The following MCM3 variants were observed in gnomAD, a reference collection of about 807,000 sequenced individuals.
MCM3 encodes minichromosome maintenance complex component 3, also known as DNA replication licensing factor MCM3.
In MCM3, 59 loss-of-function variants were observed where a neutral mutation model predicts 91.3. The observed-to-expected ratio is 0.65, with a 90% confidence interval of 0.52 to 0.80. The LOEUF (loss-of-function observed/expected upper bound fraction) is 0.80, where lower values mean the gene tolerates loss of function less well. Among genes scored for constraint, MCM3 ranks in the 30% least tolerant of loss-of-function variants. The probability of loss-of-function intolerance (pLI) is 0.00; values close to 1 mark genes in which losing one functional copy is unlikely to be tolerated. For missense variants in MCM3, 919 were observed against 1,035.4 expected (o/e 0.89, Z 1.54); for synonymous variants, 383 against 379.6 (o/e 1.01, Z -0.10).
chr6:52,277,665 C>A lies in MCM3; in HGVS notation c.903G>T (p.Lys301Asn). 2 of 1,613,978 alleles carry A rather than the reference C, an allele frequency of 1.2e-6. No individual in the cohort carries two copies. The highest frequency in any genetic ancestry group is 1.7e-5 in the Admixed American group (1 of 59,976). The change falls in exon 7 of 17, where the codon AAG becomes AAT. Residue 301 changes from lysine to asparagine, a missense_variant. Lys to Asn is a moderately conservative substitution (Grantham distance 94, BLOSUM62 0). This residue lies in a region of MCM3 where 401 missense variants were observed against 402.7 expected (regional missense o/e 1.00). Coordinates refer to ENST00000596288, the MANE Select transcript of MCM3 (RefSeq NM_002388.6). ...GCCCATGGATACTTGGGGCCAATGA[C>A]TTGGCCAGCTGGTCAAAGATATCCT... is the stretch of plus-strand genomic sequence containing the variant. ...RSKDIFDQLA[K>N]SLAPSIHGHD...
At position 52,273,780 on chromosome 6, in the gene MCM3, A is replaced by G. The variant is rs1405571338; in HGVS notation, c.1511T>C (p.Met504Thr). 3 of 1,613,800 alleles carry G rather than the reference A, an allele frequency of 1.9e-6. No homozygotes were observed. Among genetic ancestry groups the G allele is most frequent in the Non-Finnish European group, 2.5e-6 (3 of 1,179,960 alleles). ...CTCCCCAGGTGCTCTGTAACGGTGCATCCGAAGGACATGGTCTGAGATCTC... is the reference window on the plus strand; with the variant it reads ...CTCCCCAGGTGCTCTGTAACGGTGCGTCCGAAGGACATGGTCTGAGATCTC... ...DREISDHVLR[M>T]HRYRAPGEQD... The change falls in exon 10 of 17, where the codon ATG becomes ACG. Residue 504 changes from methionine to threonine, a missense_variant. Met to Thr is a moderately conservative substitution (Grantham distance 81, BLOSUM62 -1). Around this residue, in one of 3 missense-constraint regions of MCM3, gnomAD observed 233 missense variants for 321.2 expected, o/e 0.73. Coordinates refer to ENST00000596288, the MANE Select transcript of MCM3 (RefSeq NM_002388.6).
intron 6 of MCM3, 110 bp from the exon 7 acceptor site, chr6:52,277,798 G>C: frequency 1.1e-6 from 1 of 934,272 alleles, no homozygotes. Flanking sequence ...GCCAGGCGCA[G>C]TGGCTCAGGT....
chr6:52,265,266 A>C (rs1764552804), intron 16 of MCM3: 2 of 435,732 alleles, frequency 4.6e-6, no homozygotes, highest in African/African-American at 4.1e-5. Context: ...AAAAAGAATG[A>C]GATCAAACAA....
Position 52,276,267 on chromosome 6 carries a change from C to A in MCM3, c.1374+1G>T. ...AATGGTTGGGGCCTGATTCCACTTA[C>A]CCTGCCGTAGACAGGGTTGGCAGCT... On this transcript the variant is annotated splice_donor_variant, in intron 9 of 16. Transcript: ENST00000596288. LOFTEE classifies it high-confidence loss of function. 4 of 1,608,284 alleles carry A rather than the reference C, an allele frequency of 2.5e-6. No homozygotes were observed. Among genetic ancestry groups the A allele is most frequent in the Non-Finnish European group, 3.4e-6 (4 of 1,177,510 alleles).
At chr6:52,266,043 C>A (rs756759861) in intron 16 of MCM3, 32 bp downstream of exon 16, 13 of 1,600,418 alleles carry the variant, frequency 8.1e-6, no homozygotes, top group Non-Finnish European at 3.4e-6. Context: ...ACACAGAATT[C>A]TTGAAGGGGC....
chr6:52,272,437 C>T lies in MCM3; in HGVS notation c.1691G>A (p.Ser564Asn). The T allele has an allele frequency of 6.2e-7, 1 of 1,614,164 alleles. No homozygotes were observed. Among genetic ancestry groups the T allele is most frequent in the Non-Finnish European group, 8.5e-7 (1 of 1,180,030 alleles). The change falls in exon 12 of 17, where the codon AGT (serine) becomes AAT (asparagine). Residue 564 changes from serine (S) to asparagine (N), a missense_variant. Transcript: ENST00000596288. Reference sequence around the variant, plus strand: ...GATGTACTTCTTCATGAATGCTGCACTCACCATCTTCTCCCTGGAGCCACA... The same window carrying T: ...GATGTACTTCTTCATGAATGCTGCATTCACCATCTTCTCCCTGGAGCCACA... ...GTKKKKEKMV[S>N]AAFMKKYIHV...
chr6:52,269,217 C>T lies in MCM3; in HGVS notation c.1837G>A (p.Val613Ile), dbSNP rs200468374. ...AGAGTTTCCAGTGTTCGGGCTGTAA[C>T]TGGAGATGTCTAGGGAAGAAAAGGG... Reference protein sequence around the residue: ...MSSDTARTSPVTARTLETLIR... With the variant: ...MSSDTARTSPITARTLETLIR... The change falls in exon 13 of 17, where the codon GTT becomes ATT. Residue 613 changes from valine to isoleucine, a missense_variant. This residue lies in a region of MCM3 where 285 missense variants were observed against 311.4 expected (regional missense o/e 0.92). Transcript: ENST00000596288. 6.2e-7 allele frequency: 1 copy of T among 1,610,148 alleles called. No individual in the cohort carries two copies. The highest frequency in any genetic ancestry group is 8.5e-7 in the Non-Finnish European group (1 of 1,177,000).
chr6:52,264,558 G>C lies in MCM3; in HGVS notation c.*30C>G. On this transcript the variant is annotated 3_prime_UTR_variant, in exon 17 of 17. Transcript: ENST00000596288. ...GGGAAACACAGAACAAACTCTCTCGGCACAACCCAAGTTCAGAGACGAGGC... is the reference window on the plus strand; with the variant it reads ...GGGAAACACAGAACAAACTCTCTCGCCACAACCCAAGTTCAGAGACGAGGC... 6.2e-7 allele frequency: 1 copy of C among 1,611,926 alleles called. No individual in the cohort carries two copies. Among genetic ancestry groups the C allele is most frequent in the Non-Finnish European group, 8.5e-7 (1 of 1,178,198 alleles).
In MCM3 at chr6:52,282,058, A is replaced by G. The variant is rs751145262; in HGVS notation, c.518T>C (p.Val173Ala). The G allele has an allele frequency of 6.2e-7, 1 of 1,614,164 alleles. No individual in the cohort carries two copies. Among genetic ancestry groups the G allele is most frequent in the Non-Finnish European group, 8.5e-7 (1 of 1,180,022 alleles). Reference protein sequence around the residue: ...TTLVAFPSSSVYPTKDEENNP... With the variant: ...TTLVAFPSSSAYPTKDEENNP... ...TATCCCCCTTACCTTGGTAGGATAGACAGAGCTGGAGGGAAAGGCCACCAG... is the reference window on the plus strand; with the variant it reads ...TATCCCCCTTACCTTGGTAGGATAGGCAGAGCTGGAGGGAAAGGCCACCAG... Residue 173 changes from valine (V) to alanine (A), a missense_variant, in exon 4 of 17, where the codon GTC (valine) becomes GCC (alanine). Coordinates refer to ENST00000596288, the MANE Select transcript of MCM3 (RefSeq NM_002388.6).
rs1049136695 is a variant in MCM3 at position 52,264,806 on chromosome 6, G to C, written c.2229-20C>G. On this transcript the variant is annotated intron_variant, in intron 16 of 16. Coordinates refer to ENST00000596288, the MANE Select transcript of MCM3 (RefSeq NM_002388.6). ...TTCAACCTGCCCCAGACAGAAGAAA[G>C]GGGGAAGAGGAGTAAACAAACCCAA... 10 of 1,611,116 alleles carry C rather than the reference G, an allele frequency of 6.2e-6. No homozygotes were observed. Among genetic ancestry groups the C allele is most frequent in the Non-Finnish European group, 8.5e-6 (10 of 1,178,308 alleles).
chr6:52,282,751 C>T lies in MCM3; in HGVS notation c.302G>A (p.Gly101Glu). 6.2e-7 allele frequency: 1 copy of T among 1,614,068 alleles called. No individual in the cohort carries two copies. The highest frequency in any genetic ancestry group is 8.5e-7 in the Non-Finnish European group (1 of 1,180,032). ...CTTGGAGCCAAAGCTGCCTTCCAGT[C>T]CTACGTAGAACTCCTCATACTGCTT... Reference protein sequence around the residue: ...YAKQYEEFYVGLEGSFGSKHV... With the variant: ...YAKQYEEFYVELEGSFGSKHV... Residue 101 changes from glycine (G) to glutamate (E), a missense_variant, in exon 3 of 17, where the codon GGA becomes GAA. Gly to Glu is a moderately conservative substitution (Grantham distance 98). Transcript: ENST00000596288.
At chr6:52,281,898 G>A in intron 4 of MCM3, 147 bp downstream of exon 4, 1 of 640,532 alleles carries the variant, frequency 1.6e-6, no homozygotes, top group East Asian at 3.1e-5. Context: ...ATTAAACTCT[G>A]GCCTGCAATC....
Position 52,278,761 on chromosome 6 carries a change from A to T in MCM3, c.860T>A (p.Phe287Tyr). The T allele has an allele frequency of 6.2e-7, 1 of 1,613,394 alleles. No homozygotes were observed. Among genetic ancestry groups the T allele is most frequent in the Non-Finnish European group, 8.5e-7 (1 of 1,179,588 alleles). Residue 287 changes from phenylalanine to tyrosine, a missense_variant, in exon 6 of 17, where the codon TTC (phenylalanine) becomes TAC (tyrosine). Phe to Tyr is a conservative substitution (Grantham distance 22). This residue lies in a region of MCM3 where 401 missense variants were observed against 402.7 expected (regional missense o/e 1.00). Coordinates refer to ENST00000596288, the MANE Select transcript of MCM3 (RefSeq NM_002388.6). The stretch of plus-strand genomic sequence containing the variant: ...CCAGACCTTGGATCGGGTTTTACTG[A>T]ACTTCTTGATCTTGGCTATATCCTC... The part of the protein sequence containing the change: ...SAEDIAKIKK[F>Y]SKTRSKDIFD...
intron 13 of MCM3, among the ~76,000 whole-genome samples, chr6:52,268,231 G>A (rs1453976887): frequency 6.6e-6 from 1 of 152,198 alleles, no homozygotes; most frequent in Non-Finnish European, 1.5e-5. Context: ...AGAAACAAAT[G>A]TCTAGCCCAT....
intron 2 of MCM3, among the ~76,000 whole-genome samples, 157 bp downstream of exon 2, chr6:52,283,137 T>TG (rs1766282517): frequency 1.2e-5 from 1 of 80,450 alleles, no homozygotes; most frequent in African/African-American, 5.2e-5. Context: ...ACCCACTTTT[T>TG]GAAAAAAAAA....
chr6:52,272,550 C>G (rs1168708623), intron 11 of MCM3, 99 bp from the exon 12 acceptor site: 2 of 1,323,018 alleles, frequency 1.5e-6, no homozygotes, highest in East Asian at 4.7e-5. Flanking sequence ...CAAAACAAAG[C>G]CTAGAACCCA....
intron 6 of MCM3, 26 bp from the exon 7 acceptor site, chr6:52,277,714 G>C (rs760038686): frequency 1.2e-6 from 2 of 1,609,560 alleles, no homozygotes; most frequent in East Asian, 2.2e-5. Context: ...CCAATGGCAA[G>C]CCTAGTGAGA....
At chr6:52,268,979 T>C (rs981733038) in intron 13 of MCM3, 107 bp downstream of exon 13, 26 of 1,234,942 alleles carry the variant, frequency 2.1e-5, no homozygotes, top group Middle Eastern at 2.1e-4. Context: ...AAATACTGCT[T>C]TCTGTTGACA....
chr6:52,282,026 A>G lies in MCM3; in HGVS notation c.531+19T>C, dbSNP rs1562398857. On this transcript the variant is annotated intron_variant, in intron 4 of 16. Transcript: ENST00000596288. ...TGATTCCAACCTCCAAGACAGCTCA[A>G]CTGATTTATCCCCCTTACCTTGGTA... The G allele has an allele frequency of 1.9e-6, 3 of 1,612,648 alleles. No individual in the cohort carries two copies. The highest frequency in any genetic ancestry group is 1.7e-5 in the Admixed American group (1 of 59,698).
Sources: allele counts gnomAD v4.1 joint callset (sites outside exome capture counted in the v4.1 genomes callset), GRCh38; gene constraint gnomAD v4.1.1; regional missense constraint gnomAD v4.1.1; transcripts MANE v1.5; gene names NCBI Gene and HGNC (gene_info 2026-07-23, HGNC 2026-07-21).